Variants in PAICS observed in about 807,000 individuals in gnomAD.
PAICS encodes the protein phosphoribosylaminoimidazole carboxylase and phosphoribosylaminoimidazolesuccinocarboxamide synthase.
A neutral mutation model predicts 53.7 loss-of-function variants in PAICS; 33 were observed. The observed-to-expected ratio is 0.61, with a 90% CI of 0.47 to 0.82. The LOEUF (loss-of-function observed/expected upper bound fraction) is 0.82. Among genes scored for constraint, PAICS ranks in the 40% least tolerant of loss-of-function variants. The pLI, the probability that PAICS is intolerant of heterozygous loss-of-function variation, is 0.00. For missense variants in PAICS, 394 were observed against 494.1 expected (o/e 0.80, Z 1.92); for synonymous variants, 141 against 167.2 (o/e 0.84, Z 1.21).
rs1345909904 is a variant in PAICS at position 56,462,609 on chromosome 4, TA to T, written c.*3072del. The T allele has an allele frequency of 1.3e-5, 2 of 152,204 alleles. No homozygotes were observed. Among genetic ancestry groups the T allele is most frequent in the Non-Finnish European group, 2.9e-5 (2 of 68,038 alleles). 9.4% of individuals were successfully genotyped at this position (152,204 alleles called of 1,614,324 possible). ...AAGTTGTGAGAATTACATGAGTCAA[TA>T]TATGTAAGGCCCATCATGGCACACA... is the stretch of plus-strand genomic sequence containing the variant. On this transcript the variant is annotated 3_prime_UTR_variant, in exon 9 of 9. Coordinates refer to ENST00000512576, the MANE Select transcript of PAICS (RefSeq NM_001079524.2).
chr4:56,423,989 C>T, the PAICS span, among the ~76,000 whole-genome samples: 1 of 152,106 alleles, frequency 6.6e-6, no homozygotes, highest in African/African-American at 2.4e-5. Context: ...AAAAAATTCA[C>T]ATGAAATAGT....
the PAICS span, among the ~76,000 whole-genome samples, chr4:56,424,059 A>G: frequency 6.6e-6 from 1 of 152,192 alleles, no homozygotes; most frequent in Non-Finnish European, 1.5e-5. Flanking sequence ...AGGTCACTTC[A>G]TTTTTATTTT....
the PAICS span, among the ~76,000 whole-genome samples, chr4:56,413,320 A>G: frequency 6.6e-6 from 1 of 152,022 alleles, no homozygotes; most frequent in East Asian, 1.9e-4. Context: ...ATGCCCAGCT[A>G]GTTTTTGTAT....
At chr4:56,418,587 G>A in the PAICS span, among the ~76,000 whole-genome samples, 1 of 152,062 alleles carries the variant, frequency 6.6e-6, no homozygotes, top group African/African-American at 2.4e-5. Context: ...CCAAAGTACT[G>A]GGATTACAGG....
intron 1 of PAICS, among the ~76,000 whole-genome samples, chr4:56,440,226 G>A (rs536345175): frequency 2.7e-4 from 41 of 152,254 alleles, no homozygotes; most frequent in African/African-American, 7.9e-4. Context: ...TAAAGATGTT[G>A]GAGTTCTAGA....
At position 56,451,553 on chromosome 4, in the gene PAICS, A is replaced by C. The variant is rs557729881; in HGVS notation, c.772-319A>C. 2.0e-5 allele frequency among the ~76,000 whole-genome samples: 3 copies of C among 152,284 alleles called. No homozygotes were observed. In the South Asian group the frequency reaches 6.2e-4, roughly 32 times the overall value. ...CATACCTTAAAGCTTCCATTAAACAAAGTGCACTAAAGGTCTTAGGATGAA... is the reference window on the plus strand; with the variant it reads ...CATACCTTAAAGCTTCCATTAAACACAGTGCACTAAAGGTCTTAGGATGAA... On this transcript the variant is annotated intron_variant, in intron 6 of 8. Coordinates refer to ENST00000512576, the MANE Select transcript of PAICS (RefSeq NM_001079524.2).
At chr4:56,453,933 A>C (rs1026124071) in intron 8 of PAICS, among the ~76,000 whole-genome samples, 172 bp downstream of exon 8, 1 of 152,168 alleles carries the variant, frequency 6.6e-6, no homozygotes, top group African/African-American at 2.4e-5. Context: ...CAGATCTTAG[A>C]CGTTATAGTA....
rs878904282 is a variant in PAICS, at chr4:56,459,893, A to ATTT, written c.*370_*372dup. 166 of 140,258 alleles carry ATTT rather than the reference A, an allele frequency of 1.2e-3. 1 individual carries two copies. In the East Asian group the frequency reaches 0.02, roughly 17 times the overall value. The allele number at this position is 140,258 out of a possible 1,614,324, so 8.7% of individuals were successfully genotyped here. A position where few individuals can be genotyped will look rare whatever the true frequency, so the allele number is the denominator to read the frequency against. ...CCCAGCTATATTTCTCCAGACTTGC[A>ATTT]TTTTTTTTTTTTTTTTTGAGACAGG... On this transcript the variant is annotated 3_prime_UTR_variant, in exon 9 of 9. Coordinates refer to ENST00000512576, the MANE Select transcript of PAICS (RefSeq NM_001079524.2).
intron 2 of PAICS, chr4:56,442,078 C>A: frequency 4.3e-6 from 2 of 460,704 alleles, no homozygotes; most frequent in Non-Finnish European, 7.8e-6. Flanking sequence ...AACAAGTTTG[C>A]TGTAATCTTT....
chr4:56,436,448 G>A (rs1048163879), intron 1 of PAICS, 120 bp downstream of exon 1: 8 of 872,292 alleles, frequency 9.2e-6, no homozygotes, highest in Non-Finnish European at 1.5e-5. Flanking sequence ...CTAGGCAGCC[G>A]CGCGGGCGCA....
intron 5 of PAICS, 100 bp from the exon 6 acceptor site, chr4:56,450,519 C>A: frequency 1.5e-6 from 1 of 655,218 alleles, no homozygotes; most frequent in Admixed American, 2.6e-5. Context: ...GTATCCCTTG[C>A]TATACAAACT....
At chr4:56,414,536 A>G in the PAICS span, among the ~76,000 whole-genome samples, 1 of 152,222 alleles carries the variant, frequency 6.6e-6, no homozygotes, top group Non-Finnish European at 1.5e-5. Context: ...ATGTATCGCA[A>G]GTAATGATTT....
the PAICS span, chr4:56,425,556 T>A: frequency 1.2e-5 from 2 of 171,500 alleles, no homozygotes; most frequent in East Asian, 3.8e-4. Context: ...TTTAAGAAGC[T>A]GTGGCATAAT....
Position 56,461,188 on chromosome 4 carries a change from G to A in PAICS, c.*1650G>A, listed in dbSNP as rs983403795. 3.3e-5 allele frequency: 5 copies of A among 152,148 alleles called. No individual in the cohort carries two copies. Among genetic ancestry groups the A allele is most frequent in the African/African-American group, 1.2e-4 (5 of 41,430 alleles). 9.4% of individuals were successfully genotyped at this position (152,148 alleles called of 1,614,324 possible). On this transcript the variant is annotated 3_prime_UTR_variant, in exon 9 of 9. Transcript: ENST00000512576. ...AGTTCTTTCTCTATTGAATTATTAG[G>A]TCCAGAATAGAAGATGTCATTGTAC...
chr4:56,436,003 G>C (rs1717911766), upstream of PAICS: 1 of 1,526,904 alleles, frequency 6.5e-7, no homozygotes, highest in African/African-American at 1.4e-5. Context: ...GAGTGGGGAG[G>C]GGCCGCCAGT....
chr4:56,437,306 A>G (rs1718064204), intron 1 of PAICS, among the ~76,000 whole-genome samples: 3 of 135,810 alleles, frequency 2.2e-5, no homozygotes, highest in South Asian at 2.3e-4. Context: ...TGTTCGTTCC[A>G]GTAGTCTTTG....
chr4:56,441,605 A>T, intron 1 of PAICS, 58 bp from the exon 2 acceptor site: 1 of 683,438 alleles, frequency 1.5e-6, no homozygotes, highest in Non-Finnish European at 2.4e-6. Context: ...TAGGTGATTT[A>T]GTCTTCAGCA....
chr4:56,438,339 GTAAAA>G (rs1560656206), intron 1 of PAICS, among the ~76,000 whole-genome samples: 1 of 120,178 alleles, frequency 8.3e-6, no homozygotes, highest in African/African-American at 2.9e-5. Context: ...ATTTTAAAAA[GTAAAA>G]TAATAAAAAA....
At chr4:56,435,322 C>G (rs763444167), upstream of PAICS, 5 of 1,612,134 alleles carry the variant, frequency 3.1e-6, no homozygotes, top group South Asian at 4.4e-5. Context: ...GAGACGCACG[C>G]CCCCGCCACC....
Sources: gnomAD v4.1 joint callset for allele counts (sites outside exome capture counted in the v4.1 genomes callset) on GRCh38, gnomAD v4.1.1 for gene constraint, MANE v1.5 for transcripts, NCBI Gene and HGNC (gene_info 2026-07-23, HGNC 2026-07-21) for gene names.